Variants in MGST2 observed in about 807,000 individuals in gnomAD.
The protein encoded by MGST2 is glutathione peroxidase MGST2.
Under a neutral mutation model 16.6 loss-of-function variants are expected in MGST2, and 9 were observed. The observed-to-expected ratio is 0.54, with a 90% confidence interval of 0.33 to 0.95. The LOEUF (loss-of-function observed/expected upper bound fraction) is 0.95. Ranked by LOEUF, MGST2 falls within the 40% of genes least tolerant of loss-of-function variation. The pLI is 0.03. For synonymous variants in MGST2, 79 were observed against 68.0 expected (o/e 1.16, Z -0.79); for missense variants, 159 against 175.1 (o/e 0.91, Z 0.52).
chr4:139,703,943 GC>G, intron 4 of MGST2, 72 bp from the exon 5 acceptor site: 3 of 1,586,700 alleles, frequency 1.9e-6, no homozygotes, highest in Non-Finnish European at 2.6e-6. Context: ...CGATAGGACA[GC>G]CTACCTCAGG....
At chr4:139,751,343 T>C in the MGST2 span, among the ~76,000 whole-genome samples, 1 of 152,204 alleles carries the variant, frequency 6.6e-6, no homozygotes, top group African/African-American at 2.4e-5. Context: ...TATTTGCATA[T>C]ATATAATGAG....
intron 2 of MGST2, among the ~76,000 whole-genome samples, chr4:139,693,265 C>T (rs1443110498): frequency 1.3e-5 from 2 of 151,928 alleles, no homozygotes; most frequent in African/African-American, 2.4e-5. Flanking sequence ...ATTAGCCGGG[C>T]GCGGTGGCAG....
At chr4:139,724,391 G>A (rs1001780133) in intron 5 of MGST2, among the ~76,000 whole-genome samples, 3 of 152,160 alleles carry the variant, frequency 2.0e-5, no homozygotes, top group Non-Finnish European at 4.4e-5. Context: ...TTTTGAAAAT[G>A]TTGGTTGTGA....
chr4:139,743,330 G>A (rs1043819480), downstream of MGST2, among the ~76,000 whole-genome samples: 4 of 152,248 alleles, frequency 2.6e-5, no homozygotes, highest in Non-Finnish European at 2.9e-5. Flanking sequence ...TTCTCAACCT[G>A]AGAAAGCTTC....
downstream of MGST2, among the ~76,000 whole-genome samples, chr4:139,706,124 T>G (rs866996561): frequency 1.3e-3 from 193 of 152,256 alleles, 1 homozygote; most frequent in African/African-American, 4.5e-3. Context: ...AATACTAGTG[T>G]TCCCATAATA....
chr4:139,747,157 T>A, the MGST2 span, among the ~76,000 whole-genome samples: 1 of 152,222 alleles, frequency 6.6e-6, no homozygotes, highest in African/African-American at 2.4e-5. Flanking sequence ...CCTTAAATGA[T>A]GGTTTCTGTA....
chr4:139,683,927 T>G (rs1251380402), intron 2 of MGST2, among the ~76,000 whole-genome samples: 2 of 144,880 alleles, frequency 1.4e-5, no homozygotes, highest in Admixed American at 6.9e-5. Context: ...GTGTTTTTTT[T>G]TTTTTTTTTT....
At chr4:139,704,419 C>T (rs767315972), downstream of MGST2, among the ~76,000 whole-genome samples, 5 of 152,072 alleles carry the variant, frequency 3.3e-5, no homozygotes, top group African/African-American at 4.8e-5. Flanking sequence ...CAGCCTGACC[C>T]GTGTGCTGGC....
chr4:139,703,865 C>T, intron 4 of MGST2, 151 bp from the exon 5 acceptor site: 1 of 876,112 alleles, frequency 1.1e-6, no homozygotes, highest in Non-Finnish European at 1.9e-6. Flanking sequence ...GCTAGGCATT[C>T]CCTTTAACTT....
chr4:139,707,296 G>A (rs925740359), downstream of MGST2, among the ~76,000 whole-genome samples: 1 of 151,978 alleles, frequency 6.6e-6, no homozygotes, highest in Non-Finnish European at 1.5e-5. Flanking sequence ...GTGAGAACAT[G>A]AGGTGTTTGG....
At chr4:139,753,108 G>T in the MGST2 span, among the ~76,000 whole-genome samples, 3 of 152,232 alleles carry the variant, frequency 2.0e-5, no homozygotes, top group East Asian at 1.9e-4. Context: ...GAAAGAGAGG[G>T]TTACACACCA....
At chr4:139,690,295 AATTTTTTTAAAAAAATTTT>A (rs1470531717) in intron 2 of MGST2, among the ~76,000 whole-genome samples, 2 of 151,268 alleles carry the variant, frequency 1.3e-5, no homozygotes, top group Non-Finnish European at 1.5e-5. Flanking sequence ...CCTGGCCTTA[AATTTTTTTAAAAAAATTTT>A]ATTTTTTTAT....
chr4:139,673,257 AT>A lies in MGST2; in HGVS notation c.59-5284del, dbSNP rs200250702. ...CTGTAACCCAACTGAACGTGGGTCCATTCACCCAGCATACAGAAACAAACAC... is the reference window on the plus strand; with the variant it reads ...CTGTAACCCAACTGAACGTGGGTCCATCACCCAGCATACAGAAACAAACAC... On this transcript the variant is annotated intron_variant, in intron 1 of 4. Coordinates refer to ENST00000265498, the MANE Select transcript of MGST2 (RefSeq NM_002413.5). Among the ~76,000 whole-genome samples, 929 of 152,288 alleles carry A rather than the reference AT, an allele frequency of 6.1e-3. 8 individuals carry two copies. Among genetic ancestry groups the A allele is most frequent in the Non-Finnish European group, 0.01 (711 of 68,028 alleles).
intron 3 of MGST2, among the ~76,000 whole-genome samples, chr4:139,700,910 A>G (rs1429912275): frequency 6.6e-6 from 1 of 152,214 alleles, no homozygotes; most frequent in East Asian, 1.9e-4. Flanking sequence ...TAAATAAACC[A>G]AAATCCAGCT....
Position 139,696,849 on chromosome 4 carries a change from A to G in MGST2, c.229+1582A>G, listed in dbSNP as rs797058. Among the ~76,000 whole-genome samples, 1,141 of 152,292 alleles carry G rather than the reference A, an allele frequency of 7.5e-3. 7 individuals carry two copies. The highest frequency in any genetic ancestry group is 0.026 in the African/African-American group (1,069 of 41,536). ...AGGGTTCTCTTCCACAACATTGACG[A>G]TCATATCCATAGAGTACCTTGTATC... On this transcript the variant is annotated intron_variant, in intron 3 of 4. Coordinates refer to ENST00000265498, the MANE Select transcript of MGST2 (RefSeq NM_002413.5).
intron 4 of MGST2, 60 bp downstream of exon 4, chr4:139,703,596 A>T (rs1053479148): frequency 1.4e-6 from 2 of 1,477,864 alleles, no homozygotes; most frequent in Admixed American, 3.4e-5. Context: ...GGTCTGGGTC[A>T]GTTTCCTTCT....
chr4:139,688,018 T>C (rs1726341220), intron 2 of MGST2, among the ~76,000 whole-genome samples: 1 of 152,158 alleles, frequency 6.6e-6, no homozygotes, highest in Non-Finnish European at 1.5e-5. Context: ...CCCTTTAGAG[T>C]AAAGTCATTT....
intron 5 of MGST2, among the ~76,000 whole-genome samples, chr4:139,724,765 C>T (rs1728395984): frequency 7.0e-6 from 1 of 143,116 alleles, no homozygotes; most frequent in African/African-American, 2.5e-5. Flanking sequence ...CATATAAGAC[C>T]CTCAAGGGTC....
At chr4:139,749,441 T>C in the MGST2 span, among the ~76,000 whole-genome samples, 4 of 152,196 alleles carry the variant, frequency 2.6e-5, no homozygotes, top group Admixed American at 2.6e-4. Context: ...CTGATTGTTT[T>C]CTCAGGCAAA....
Sources: allele counts gnomAD v4.1 joint callset (sites outside exome capture counted in the v4.1 genomes callset), GRCh38; gene constraint gnomAD v4.1.1; transcripts MANE v1.5; gene names NCBI Gene and HGNC (gene_info 2026-07-23, HGNC 2026-07-21).